CLDN11: variants seen among roughly 807,000 people sequenced by gnomAD.
The protein encoded by CLDN11 is claudin 11.
A neutral mutation model predicts 18.0 loss-of-function variants in CLDN11; 1 was observed. The observed-to-expected ratio is 0.06, with a 90% confidence interval of 0.02 to 0.26. CLDN11 has a LOEUF of 0.26. Among genes scored for constraint, CLDN11 ranks in the 10% least tolerant of loss-of-function variants. CLDN11 has a pLI of 1.00. For missense variants in CLDN11, 172 were observed against 276.6 expected (o/e 0.62, Z 2.68); for synonymous variants, 116 against 121.5 (o/e 0.96, Z 0.30).
intron 1 of CLDN11, among the ~76,000 whole-genome samples, chr3:170,422,006 C>T (rs938602634): frequency 2.0e-5 from 3 of 152,024 alleles, no homozygotes; most frequent in Non-Finnish European, 2.9e-5. Flanking sequence ...CCTCCAGGAA[C>T]CCTGAGGGCT....
rs1470951076 is a variant in CLDN11, at chr3:170,423,462, CA to C, written c.391+137del. 3 of 843,850 alleles carry C rather than the reference CA, an allele frequency of 3.6e-6. No homozygotes were observed. In the African/African-American group the frequency reaches 5.1e-5, roughly 14 times the overall value. 52.3% of individuals were successfully genotyped at this position (843,850 alleles called of 1,614,324 possible). ...GAAGCCAGTGGGGGATGGACTCCCA[CA>C]ATCTGTATCCCTTTGTATTTTATGG... On this transcript the variant is annotated intron_variant, in intron 2 of 2. Coordinates refer to ENST00000064724, the MANE Select transcript of CLDN11 (RefSeq NM_005602.6).
chr3:170,420,402 A>G (rs1738695639), intron 1 of CLDN11, among the ~76,000 whole-genome samples: 1 of 152,200 alleles, frequency 6.6e-6, no homozygotes, highest in Non-Finnish European at 1.5e-5. Flanking sequence ...GCCGCCAGTC[A>G]GATAAGACTG....
chr3:170,421,156 G>T (rs1032329255), intron 1 of CLDN11: 2 of 282,948 alleles, frequency 7.1e-6, no homozygotes, highest in Non-Finnish European at 1.0e-5. Context: ...TGGGGGTGGG[G>T]GGGGGGTGGG....
intron 2 of CLDN11, among the ~76,000 whole-genome samples, chr3:170,425,932 G>T (rs59984509): frequency 0.016 from 2,427 of 152,316 alleles, 44 homozygotes; most frequent in African/African-American, 0.053. Context: ...TCACCACGGA[G>T]CCCCAAGTGC....
At chr3:170,422,063 C>T (rs1190191850) in intron 1 of CLDN11, among the ~76,000 whole-genome samples, 2 of 152,122 alleles carry the variant, frequency 1.3e-5, no homozygotes, top group Non-Finnish European at 2.9e-5. Context: ...GAAGGATGCC[C>T]AGGGCACTGT....
intron 1 of CLDN11, chr3:170,421,194 C>T: frequency 1.1e-5 from 8 of 723,664 alleles, no homozygotes; most frequent in Non-Finnish European, 1.4e-5. Flanking sequence ...CCTGCCTTCC[C>T]CCTCCCTCAT....
chr3:170,425,383 A>G (rs9834591), intron 2 of CLDN11, among the ~76,000 whole-genome samples: 6,632 of 152,284 alleles, frequency 0.044, 318 homozygotes, highest in African/African-American at 0.11. Context: ...GAGAGAACAC[A>G]CTAAAACAAA....
chr3:170,422,205 G>T (rs1347257489), intron 1 of CLDN11, among the ~76,000 whole-genome samples: 1 of 152,176 alleles, frequency 6.6e-6, no homozygotes, highest in African/African-American at 2.4e-5. Context: ...CAATGTGAAT[G>T]AAAGCACATG....
At chr3:170,423,922 G>A (rs1215236979) in intron 2 of CLDN11, among the ~76,000 whole-genome samples, 1 of 151,738 alleles carries the variant, frequency 6.6e-6, no homozygotes, top group Non-Finnish European at 1.5e-5. Context: ...CTCGGGGCGG[G>A]GGTTGCTAAG....
intron 1 of CLDN11, among the ~76,000 whole-genome samples, chr3:170,422,196 A>G (rs886589779): frequency 1.3e-4 from 20 of 152,202 alleles, no homozygotes; most frequent in Non-Finnish European, 1.3e-4. Context: ...GGCCACAGCC[A>G]ATGTGAATGA....
chr3:170,423,299 G>T lies in CLDN11; in HGVS notation c.363G>T (p.Gln121His), dbSNP rs1381218889. 1 of 1,614,126 alleles carries T rather than the reference G, an allele frequency of 6.2e-7. No individual in the cohort carries two copies. ...EPGVAKYRRA[Q>H]LAGVLLILLA... is the part of the protein sequence containing the mutation. ...GTGTGGCTAAGTACAGGCGGGCCCA[G>T]CTGGCTGGTGTTTTGCTCATTCTGC... The change falls in exon 2 of 3, where the codon CAG becomes CAT. Residue 121 changes from glutamine to histidine, a missense_variant. Gln to His is a conservative substitution (Grantham distance 24). Transcript: ENST00000064724.
chr3:170,425,989 G>C (rs1039128416), intron 2 of CLDN11, among the ~76,000 whole-genome samples: 1 of 152,152 alleles, frequency 6.6e-6, no homozygotes, highest in African/African-American at 2.4e-5. Flanking sequence ...GGGACTGAAG[G>C]CTCCCTTTGT....
At position 170,433,796 on chromosome 3, in the gene CLDN11, T is replaced by C. The variant is rs1739070024; in HGVS notation, c.*1040T>C. 6.6e-6 allele frequency: 1 copy of C among 152,658 alleles called. No individual in the cohort carries two copies. The highest frequency in any genetic ancestry group is 2.1e-4 in the South Asian group (1 of 4,830). The allele number at this position is 152,658 out of a possible 1,614,324, so 9.5% of individuals were successfully genotyped here. ...AAATAACAGTGCAAGTGAGTATAACTCTAACTGATGTTCCACAAAACATTT... is the reference window on the plus strand; with the variant it reads ...AAATAACAGTGCAAGTGAGTATAACCCTAACTGATGTTCCACAAAACATTT... On this transcript the variant is annotated 3_prime_UTR_variant, in exon 3 of 3. Transcript: ENST00000064724.
Position 170,419,100 on chromosome 3 carries a change from G to T in CLDN11, c.34G>T (p.Val12Phe). 6.4e-7 allele frequency: 1 copy of T among 1,551,278 alleles called. No homozygotes were observed. Among genetic ancestry groups the T allele is most frequent in the South Asian group, 1.2e-5 (1 of 84,046 alleles). ...CACGTGCCTGCAGGTGGTGGGCTTC[G>T]TCACGAGCTTCGTGGGCTGGATCGG... ...VATCLQVVGF[V>F]TSFVGWIGVI... Residue 12 changes from valine (V) to phenylalanine (F), a missense_variant, in exon 1 of 3, where the codon GTC becomes TTC. Around this residue, in one of 3 missense-constraint regions of CLDN11, gnomAD observed 10 missense variants for 17.3 expected, o/e 0.58. Transcript: ENST00000064724. This position sits in a 1 kb window ranked among gnomAD's most constrained non-coding sequence, Gnocchi z 8.6.
chr3:170,423,897 C>T (rs1379209752), intron 2 of CLDN11, among the ~76,000 whole-genome samples: 6 of 151,868 alleles, frequency 4.0e-5, no homozygotes, highest in Non-Finnish European at 5.9e-5. Flanking sequence ...TGGTGCATGC[C>T]TGTAATCCCA....
chr3:170,432,660 C>G lies in CLDN11; in HGVS notation c.528C>G (p.Leu176=). 6.2e-7 allele frequency: 1 copy of G among 1,614,208 alleles called. No individual in the cohort carries two copies. The highest frequency in any genetic ancestry group is 8.5e-7 in the Non-Finnish European group (1 of 1,180,044). The change falls in exon 3 of 3, where the codon CTC becomes CTG. Residue 176 remains leucine (L), a synonymous_variant. Transcript: ENST00000064724. ...VLCLVGGCVI[L]CCAGDAQAFG... ...GCCTCGTGGGTGGCTGTGTCATCCT[C>G]TGCTGCGCTGGAGATGCCCAGGCCT...
intron 2 of CLDN11, among the ~76,000 whole-genome samples, chr3:170,431,877 C>T (rs1401453947): frequency 6.6e-6 from 1 of 152,178 alleles, no homozygotes; most frequent in Non-Finnish European, 1.5e-5. Context: ...GAACCTTTAT[C>T]TGGTACTCCG....
At chr3:170,427,741 A>G (rs1301044941) in intron 2 of CLDN11, among the ~76,000 whole-genome samples, 1 of 151,602 alleles carries the variant, frequency 6.6e-6, no homozygotes, top group Non-Finnish European at 1.5e-5. Context: ...CCCATGTGGC[A>G]GAGTTTGCAG....
rs760866658 is a variant in CLDN11 at position 170,423,349 on chromosome 3, T to C, written c.391+22T>C. The C allele has an allele frequency of 3.8e-5, 62 of 1,612,342 alleles. No individual in the cohort carries two copies. The East Asian group carries it at 1.3e-3, about 34-fold the overall frequency. On this transcript the variant is annotated intron_variant, in intron 2 of 2. Coordinates refer to ENST00000064724, the MANE Select transcript of CLDN11 (RefSeq NM_005602.6). ...CTGGGTAAGACAGCTTTCTCAGTGG[T>C]ACCCTACCTATGAGGGAGCCTGATG...
Sources: gnomAD v4.1 joint callset for allele counts (sites outside exome capture counted in the v4.1 genomes callset) on GRCh38, gnomAD v4.1.1 for gene constraint, gnomAD v4.1.1 regional missense constraint, Gnocchi (gnomAD v3.1) non-coding constraint, MANE v1.5 for transcripts, NCBI Gene and HGNC (gene_info 2026-07-23, HGNC 2026-07-21) for gene names.